FHOD3: variants seen among roughly 807,000 people sequenced by gnomAD.
FHOD3 encodes FH1/FH2 domain-containing protein 3.
Under a neutral mutation model 173.0 loss-of-function variants are expected in FHOD3, and 90 were observed. The observed-to-expected ratio is 0.52, with a 90% CI of 0.44 to 0.62. The LOEUF is 0.62. Ranked by LOEUF, FHOD3 falls within the 20% of genes least tolerant of loss-of-function variation. The pLI, the probability that FHOD3 is intolerant of heterozygous loss-of-function variation, is 0.00. For synonymous variants in FHOD3, 828 were observed against 823.0 expected, an observed-to-expected ratio of 1.01 and a Z score of -0.10; for missense variants, 1,945 against 2,034.7, an observed-to-expected ratio of 0.96 and a Z score of 0.85.
intron 3 of FHOD3, among the ~76,000 whole-genome samples, chr18:36,451,837 A>C (rs978571118): frequency 6.6e-6 from 1 of 152,152 alleles, no homozygotes; most frequent in Admixed American, 6.5e-5. Context: ...ATGGATACAG[A>C]ATGAATTTGA....
intron 14 of FHOD3, among the ~76,000 whole-genome samples, chr18:36,678,540 A>G (rs1213716715): frequency 6.8e-6 from 1 of 147,930 alleles, no homozygotes. Flanking sequence ...AAAAAAAAAA[A>G]AAAAAAAAGA....
At chr18:36,528,680 G>A (rs568164130) in intron 5 of FHOD3, among the ~76,000 whole-genome samples, 16 of 152,314 alleles carry the variant, frequency 1.1e-4, no homozygotes, top group African/African-American at 3.6e-4. Context: ...TTTACACAAC[G>A]CCAGCGCCAC....
At chr18:36,715,814 A>G (rs969859078) in intron 18 of FHOD3, among the ~76,000 whole-genome samples, 1 of 152,212 alleles carries the variant, frequency 6.6e-6, no homozygotes, top group African/African-American at 2.4e-5. Context: ...GTCAGGGAAG[A>G]CTTCACTGAG....
intron 19 of FHOD3, among the ~76,000 whole-genome samples, chr18:36,730,176 G>A (rs1456409467): frequency 6.6e-6 from 1 of 152,112 alleles, no homozygotes; most frequent in Admixed American, 6.5e-5. Flanking sequence ...AGATCTGGAG[G>A]GGCTGACAGG....
In FHOD3 at chr18:36,718,406, C is replaced by G. The variant is rs1326455477; in HGVS notation, c.3108C>G (p.Pro1036=). 6.4e-7 allele frequency: 1 copy of G among 1,571,904 alleles called. No individual in the cohort carries two copies. Among genetic ancestry groups the G allele is most frequent in the Non-Finnish European group, 8.7e-7 (1 of 1,148,644 alleles). ...CCTTTCTGGGTTTGCCGCCCCCACC[C>G]CCTCCGCCCCTGTTGGACAGCATTC... ...PPTFLGLPPP[P]PPPLLDSIPP... is the part of the protein sequence containing the mutation. The change falls in exon 19 of 29, where the codon CCC becomes CCG. Residue 1036 remains proline, a synonymous_variant. Transcript: ENST00000590592.
At chr18:36,697,999 T>A (rs1357965118) in intron 17 of FHOD3, among the ~76,000 whole-genome samples, 1 of 152,196 alleles carries the variant, frequency 6.6e-6, no homozygotes, top group East Asian at 1.9e-4. Flanking sequence ...GTATCCTATT[T>A]CCAACTGGCA....
At chr18:36,674,439 G>A (rs2037722280) in intron 14 of FHOD3, among the ~76,000 whole-genome samples, 1 of 152,118 alleles carries the variant, frequency 6.6e-6, no homozygotes, top group South Asian at 2.1e-4. Flanking sequence ...GAATGCAGTG[G>A]CGTGATCATA....
intron 1 of FHOD3, among the ~76,000 whole-genome samples, chr18:36,348,263 T>C (rs1384230630): frequency 5.3e-5 from 8 of 152,060 alleles, no homozygotes; most frequent in Admixed American, 3.9e-4. Context: ...AAAGTACCAT[T>C]TGAGGGGGGA....
At chr18:36,763,180 G>A (rs566104118) in intron 27 of FHOD3, among the ~76,000 whole-genome samples, 2 of 139,420 alleles carry the variant, frequency 1.4e-5, no homozygotes, top group East Asian at 4.3e-4. Context: ...TATTATATAC[G>A]CTATATATGT....
intron 3 of FHOD3, among the ~76,000 whole-genome samples, chr18:36,411,338 A>C (rs1216809694): frequency 6.6e-6 from 1 of 152,134 alleles, no homozygotes; most frequent in Non-Finnish European, 1.5e-5. Context: ...TTTCTTTGGG[A>C]TCCGTTGTGA....
chr18:36,712,882 CAT>C (rs886123370), intron 18 of FHOD3, among the ~76,000 whole-genome samples: 7 of 150,064 alleles, frequency 4.7e-5, no homozygotes, highest in Admixed American at 2.6e-4. Flanking sequence ...TAGAAAGAAA[CAT>C]ATTACCTATA....
At chr18:36,688,297 A>G (rs1364685393) in intron 16 of FHOD3, among the ~76,000 whole-genome samples, 2 of 152,188 alleles carry the variant, frequency 1.3e-5, no homozygotes, top group Non-Finnish European at 2.9e-5. Context: ...GAACCTAACA[A>G]TTTCTGGACT....
intron 3 of FHOD3, among the ~76,000 whole-genome samples, chr18:36,472,952 A>G (rs1028910396): frequency 6.6e-6 from 1 of 152,234 alleles, no homozygotes; most frequent in African/African-American, 2.4e-5. Flanking sequence ...TCCACTCCAA[A>G]GAGGTAGAAT....
intron 13 of FHOD3, among the ~76,000 whole-genome samples, chr18:36,657,563 GTT>G (rs1483860297): frequency 6.6e-6 from 1 of 152,210 alleles, no homozygotes; most frequent in African/African-American, 2.4e-5. Flanking sequence ...CCTGGGGACA[GTT>G]TCTCCTCAAT....
intron 8 of FHOD3, 73 bp from the exon 9 acceptor site, chr18:36,611,879 A>G: frequency 1.4e-6 from 2 of 1,455,286 alleles, no homozygotes; most frequent in Non-Finnish European, 1.9e-6. Context: ...TGGATTAGGC[A>G]TTGGAAAATG....
At chr18:36,481,712 G>A (rs190572178) in intron 3 of FHOD3, among the ~76,000 whole-genome samples, 10 of 152,290 alleles carry the variant, frequency 6.6e-5, no homozygotes, top group Admixed American at 6.5e-4. Context: ...ATTAATGTTG[G>A]AAGCAGGCTA....
chr18:36,534,257 G>A (rs74427983), intron 5 of FHOD3, among the ~76,000 whole-genome samples: 1 of 152,284 alleles, frequency 6.6e-6, no homozygotes, highest in South Asian at 2.1e-4. Context: ...TAAGTCAGGG[G>A]TGTGGTTTCC....
chr18:36,709,317 C>A lies in FHOD3; in HGVS notation c.2459C>A (p.Ser820Tyr). 2 of 1,614,248 alleles carry A rather than the reference C, an allele frequency of 1.2e-6. No individual in the cohort carries two copies. The highest frequency in any genetic ancestry group is 3.3e-5 in the Admixed American group (2 of 60,030). The change falls in exon 18 of 29, where the codon TCC (serine) becomes TAC (tyrosine). Residue 820 changes from serine (S) to tyrosine (Y), a missense_variant. Around this residue, in one of 5 missense-constraint regions of FHOD3, gnomAD observed 1,099 missense variants for 1,051.2 expected, o/e 1.05. Coordinates refer to ENST00000590592, the MANE Select transcript of FHOD3 (RefSeq NM_001281740.3). The stretch of plus-strand genomic sequence containing the variant: ...AACGAGAGGGACAACTGCTCTGCCT[C>A]CAGCGTCTCGTCCTCCAGCAGCACG... ...GVNERDNCSA[S>Y]SVSSSSSTLE...
Position 36,392,715 on chromosome 18 carries a change from C to T in FHOD3, c.337+19971C>T, listed in dbSNP as rs1379762726. On this transcript the variant is annotated intron_variant, in intron 3 of 28. Transcript: ENST00000590592. ...CGTCTGATCTTGTCTGTGTTTCATGCGCAGGCAGCTAATTTGTACCTCATA... is the reference window on the plus strand; with the variant it reads ...CGTCTGATCTTGTCTGTGTTTCATGTGCAGGCAGCTAATTTGTACCTCATA... 3.9e-5 allele frequency among the ~76,000 whole-genome samples: 6 copies of T among 152,332 alleles called. No homozygotes were observed. In the East Asian group the frequency reaches 5.8e-4, roughly 15 times the overall value.
Sources: gnomAD v4.1 joint callset for allele counts (sites outside exome capture counted in the v4.1 genomes callset) on GRCh38, gnomAD v4.1.1 for gene constraint, gnomAD v4.1.1 regional missense constraint, MANE v1.5 for transcripts, NCBI Gene and HGNC (gene_info 2026-07-23, HGNC 2026-07-21) for gene names.